The following ME1 variants were observed in gnomAD, a reference collection of about 807,000 sequenced individuals.
The protein encoded by ME1 is NADP-dependent malic enzyme.
ME1 carries 74 observed loss-of-function variants against 66.4 expected under a neutral mutation model. The observed-to-expected ratio is 1.11, with a 90% CI of 0.92 to 1.35. The LOEUF (loss-of-function observed/expected upper bound fraction) is 1.35. ME1 is among the 40% of genes most tolerant of loss of function. The pLI, the probability that ME1 is intolerant of heterozygous loss-of-function variation, is 0.00. For synonymous variants in ME1, 251 were observed against 235.6 expected (o/e 1.07, Z -0.60); for missense variants, 750 against 694.1 (o/e 1.08, Z -0.90).
intron 6 of ME1, among the ~76,000 whole-genome samples, chr6:83,313,690 C>A (rs1352349182): frequency 6.6e-6 from 1 of 152,138 alleles, no homozygotes; most frequent in African/African-American, 2.4e-5. Flanking sequence ...AATTTCAAAA[C>A]CTTACATGAG....
At chr6:83,377,321 T>C (rs916799079) in intron 3 of ME1, among the ~76,000 whole-genome samples, 1 of 152,134 alleles carries the variant, frequency 6.6e-6, no homozygotes, top group African/African-American at 2.4e-5. Flanking sequence ...AAAATAAGTT[T>C]CCATAATATA....
chr6:83,239,242 T>A (rs1192985812), intron 8 of ME1, among the ~76,000 whole-genome samples: 1 of 152,040 alleles, frequency 6.6e-6, no homozygotes, highest in Non-Finnish European at 1.5e-5. Context: ...CTTGCATATA[T>A]ACACATACAT....
chr6:83,294,738 C>T (rs947657392), intron 6 of ME1, among the ~76,000 whole-genome samples: 4 of 152,120 alleles, frequency 2.6e-5, no homozygotes, highest in African/African-American at 4.8e-5. Flanking sequence ...GGAGGGGAGG[C>T]CAATCTGTCT....
chr6:83,227,505 T>C (rs200187352), intron 10 of ME1, 28 bp from the exon 11 acceptor site: 3 of 1,553,414 alleles, frequency 1.9e-6, no homozygotes, highest in Admixed American at 1.8e-5. Context: ...AGCTGGTAAT[T>C]AACACTATCA....
chr6:83,352,996 A>G (rs1768829183), intron 3 of ME1, among the ~76,000 whole-genome samples: 1 of 152,038 alleles, frequency 6.6e-6, no homozygotes, highest in Non-Finnish European at 1.5e-5. Flanking sequence ...CACTATCCTC[A>G]CTTTTATGGT....
intron 1 of ME1, among the ~76,000 whole-genome samples, chr6:83,421,064 T>G (rs1562009891): frequency 6.6e-6 from 1 of 152,118 alleles, no homozygotes; most frequent in African/African-American, 2.4e-5. Flanking sequence ...CCAAAGAAAT[T>G]CTGAACGTCG....
intron 5 of ME1, among the ~76,000 whole-genome samples, chr6:83,329,820 CTTTTAAAATTATT>C (rs1768370622): frequency 6.6e-6 from 1 of 151,922 alleles, no homozygotes; most frequent in African/African-American, 2.4e-5. Context: ...TTTATGTCTT[CTTTTAAAATTATT>C]TTTTAGAGAC....
chr6:83,428,045 A>T (rs1770406196), intron 1 of ME1, among the ~76,000 whole-genome samples: 1 of 152,002 alleles, frequency 6.6e-6, no homozygotes, highest in Admixed American at 6.6e-5. Context: ...AAGACAAGTT[A>T]GTAAATACAA....
At position 83,431,014 on chromosome 6, in the gene ME1, C is replaced by T. The variant is rs2127699471; in HGVS notation, c.-60G>A. On this transcript the variant is annotated 5_prime_UTR_variant, in exon 1 of 14. Transcript: ENST00000369705. The stretch of plus-strand genomic sequence containing the variant: ...GGGCGGGCCGCACGCGCGGTGCAGG[C>T]GGCGGATGCTGCTGGGGTGACGGTG... 3 of 1,126,570 alleles carry T rather than the reference C, an allele frequency of 2.7e-6. No individual in the cohort carries two copies. The highest frequency in any genetic ancestry group is 1.8e-5 in the South Asian group (1 of 55,286). The allele number at this position is 1,126,570 out of a possible 1,614,324, so 69.8% of individuals were successfully genotyped here. A position where few individuals can be genotyped will look rare whatever the true frequency, so the allele number is the denominator to read the frequency against.
intron 6 of ME1, among the ~76,000 whole-genome samples, chr6:83,265,001 C>A (rs1011061438): frequency 6.6e-6 from 1 of 152,164 alleles, no homozygotes; most frequent in Admixed American, 6.5e-5. Context: ...ACAGACAGAT[C>A]TCTCATGAAA....
chr6:83,291,912 G>T (rs776381996), intron 6 of ME1, among the ~76,000 whole-genome samples: 1 of 151,500 alleles, frequency 6.6e-6, no homozygotes, highest in African/African-American at 2.4e-5. Context: ...TGATCGAATC[G>T]GCTATTGAAG....
chr6:83,406,894 T>A (rs1471243419), intron 2 of ME1, among the ~76,000 whole-genome samples: 1 of 151,910 alleles, frequency 6.6e-6, no homozygotes, highest in Non-Finnish European at 1.5e-5. Flanking sequence ...ACAACCTACC[T>A]GAAGATTTTG....
At chr6:83,261,840 C>G (rs1165010203) in intron 6 of ME1, among the ~76,000 whole-genome samples, 1 of 151,694 alleles carries the variant, frequency 6.6e-6, no homozygotes, top group Admixed American at 6.6e-5. Flanking sequence ...ATGGTGAAAC[C>G]CTGTCTCTAC....
At chr6:83,343,844 T>A (rs531590222) in intron 5 of ME1, among the ~76,000 whole-genome samples, 68 of 152,328 alleles carry the variant, frequency 4.5e-4, no homozygotes, top group African/African-American at 1.6e-3. Flanking sequence ...CCTACTTTCA[T>A]GAAATCAACT....
At chr6:83,309,451 C>A (rs1767890070) in intron 6 of ME1, among the ~76,000 whole-genome samples, 1 of 152,012 alleles carries the variant, frequency 6.6e-6, no homozygotes, top group Non-Finnish European at 1.5e-5. Flanking sequence ...GTGGTAATTC[C>A]AACATTTTTA....
chr6:83,402,727 T>C (rs1374048219), intron 2 of ME1, among the ~76,000 whole-genome samples: 2 of 152,316 alleles, frequency 1.3e-5, no homozygotes, highest in Admixed American at 6.5e-5. Context: ...GCAGGATTAC[T>C]AGTGGCCCAG....
At chr6:83,361,768 A>G (rs1314427116) in intron 3 of ME1, among the ~76,000 whole-genome samples, 1 of 152,206 alleles carries the variant, frequency 6.6e-6, no homozygotes, top group Non-Finnish European at 1.5e-5. Flanking sequence ...CCTGTCATGA[A>G]CTGGGTGCTT....
In ME1 at chr6:83,277,815, T is replaced by C. The variant is rs1248482308; in HGVS notation, c.705-24077A>G. The stretch of plus-strand genomic sequence containing the variant: ...TACACGGGAGGCTGAGGCAGGAGAA[T>C]CGCTTGAACCTGGGAGGTAGAGGTT... On this transcript the variant is annotated intron_variant, in intron 6 of 13. Transcript: ENST00000369705. Among the ~76,000 whole-genome samples, 4 of 151,752 alleles carry C rather than the reference T, an allele frequency of 2.6e-5. No homozygotes were observed. In the South Asian group the frequency reaches 8.3e-4, roughly 32 times the overall value.
At chr6:83,220,520 C>G (rs1790072752) in intron 12 of ME1, among the ~76,000 whole-genome samples, 6 of 152,154 alleles carry the variant, frequency 3.9e-5, no homozygotes, top group Non-Finnish European at 1.5e-5. Flanking sequence ...TTGGTGCTAA[C>G]CCATGACATT....
Sources: gnomAD v4.1 joint callset for allele counts (sites outside exome capture counted in the v4.1 genomes callset) on GRCh38, gnomAD v4.1.1 for gene constraint, MANE v1.5 for transcripts, NCBI Gene and HGNC (gene_info 2026-07-23, HGNC 2026-07-21) for gene names.